Variants in VPS13A observed in about 807,000 individuals in gnomAD.
The protein encoded by VPS13A is vacuolar protein sorting 13 homolog A.
Under a neutral mutation model 390.9 loss-of-function variants are expected in VPS13A, and 264 were observed. The ratio of observed to expected loss-of-function variants is 0.68; its 90% CI spans 0.61 to 0.75. The LOEUF (loss-of-function observed/expected upper bound fraction) is 0.75. Ranked by LOEUF, VPS13A falls within the 30% of genes least tolerant of loss-of-function variation. VPS13A has a pLI of 0.00. For synonymous variants in VPS13A, 1,231 were observed against 1,227.1 expected (o/e 1.00, Z -0.07); for missense variants, 3,409 against 3,733.9 (o/e 0.91, Z 2.27).
chr9:77,203,106 C>A (rs1825426062), intron 3 of VPS13A, among the ~76,000 whole-genome samples: 1 of 152,074 alleles, frequency 6.6e-6, no homozygotes. Context: ...ATTGATCTTT[C>A]AAAATTTCCC....
chr9:77,218,409 A>C (rs1457788590), intron 10 of VPS13A, among the ~76,000 whole-genome samples: 5 of 151,410 alleles, frequency 3.3e-5, no homozygotes, highest in African/African-American at 1.2e-4. Context: ...CACTGCACCC[A>C]GCCCTTTGCC....
chr9:77,370,154 T>C, intron 63 of VPS13A, 103 bp from the exon 64 acceptor site: 1 of 1,243,974 alleles, frequency 8.0e-7, no homozygotes, highest in Non-Finnish European at 1.2e-6. Context: ...GGGACAACAT[T>C]ATCCATTTTT....
chr9:77,362,943 AT>A (rs929960124), intron 59 of VPS13A, among the ~76,000 whole-genome samples: 1 of 151,848 alleles, frequency 6.6e-6, no homozygotes, highest in African/African-American at 2.4e-5. Context: ...AATGCAGTTG[AT>A]TTTTTTATAC....
intron 59 of VPS13A, among the ~76,000 whole-genome samples, chr9:77,362,172 A>G (rs961307246): frequency 6.6e-6 from 1 of 152,124 alleles, no homozygotes; most frequent in African/African-American, 2.4e-5. Context: ...AATGAAGTTC[A>G]AATTATTTTT....
intron 19 of VPS13A, among the ~76,000 whole-genome samples, chr9:77,244,947 A>G (rs1231853347): frequency 6.6e-6 from 1 of 152,208 alleles, no homozygotes; most frequent in African/African-American, 2.4e-5. Context: ...GTGATGGTCC[A>G]CTGTGAAGAG....
Position 77,420,312 on chromosome 9 carries a change from GA to G in VPS13A, c.*4307del, listed in dbSNP as rs1395570732. The stretch of plus-strand genomic sequence containing the variant: ...ATCCAAAAAGCAAGGCCAGCACATT[GA>G]GAAGATGCAGAATCCTACTCTATTA... On this transcript the variant is annotated 3_prime_UTR_variant, in exon 72 of 72. Coordinates refer to ENST00000360280, the MANE Select transcript of VPS13A (RefSeq NM_033305.3). 6.6e-6 allele frequency: 1 copy of G among 152,140 alleles called. No homozygotes were observed. The highest frequency in any genetic ancestry group is 1.5e-5 in the Non-Finnish European group (1 of 68,024). The allele number at this position is 152,140 out of a possible 1,614,324, so 9.4% of individuals were successfully genotyped here.
intron 68 of VPS13A, among the ~76,000 whole-genome samples, chr9:77,389,253 C>T (rs1026132940): frequency 5.3e-5 from 8 of 151,272 alleles, no homozygotes; most frequent in African/African-American, 1.5e-4. Flanking sequence ...CAGAAATATC[C>T]GTAATTGGGA....
chr9:77,262,459 G>C (rs1262576179), intron 23 of VPS13A, among the ~76,000 whole-genome samples: 1 of 151,924 alleles, frequency 6.6e-6, no homozygotes, highest in Non-Finnish European at 1.5e-5. Context: ...TATATTTTAA[G>C]TTCTGGGATA....
chr9:77,195,780 A>G lies in VPS13A; in HGVS notation c.101-4165A>G, dbSNP rs570772284. The stretch of plus-strand genomic sequence containing the variant: ...AAACGAATGCTTTATTTTTATTTTT[A>G]TTTTTTTTCCATTCTCTTTCACTTA... On this transcript the variant is annotated intron_variant, in intron 1 of 71. Transcript: ENST00000360280. Among the ~76,000 whole-genome samples the G allele has an allele frequency of 5.3e-5, 8 of 151,772 alleles. No individual in the cohort carries two copies. In the East Asian group the frequency reaches 9.7e-4, roughly 18 times the overall value.
At chr9:77,390,773 G>C (rs549644381) in intron 68 of VPS13A, among the ~76,000 whole-genome samples, 1 of 151,326 alleles carries the variant, frequency 6.6e-6, no homozygotes, top group Non-Finnish European at 1.5e-5. Context: ...TGAACTCCTA[G>C]GCTCAAGTGA....
At chr9:77,334,909 C>G (rs1830463419) in intron 46 of VPS13A, among the ~76,000 whole-genome samples, 1 of 152,104 alleles carries the variant, frequency 6.6e-6, no homozygotes, top group African/African-American at 2.4e-5. Context: ...AGAAGGAAGT[C>G]TAATTGTTTC....
intron 1 of VPS13A, among the ~76,000 whole-genome samples, chr9:77,179,896 C>T (rs957977301): frequency 6.6e-6 from 1 of 152,074 alleles, no homozygotes; most frequent in East Asian, 1.9e-4. Flanking sequence ...CCTCTGGCAA[C>T]CACTAATCTT....
intron 1 of VPS13A, among the ~76,000 whole-genome samples, chr9:77,196,149 T>C (rs79523855): frequency 0.012 from 1,883 of 152,298 alleles, 37 homozygotes; most frequent in African/African-American, 0.043. Context: ...TTATTGTTAC[T>C]AGAAAAGATA....
intron 1 of VPS13A, among the ~76,000 whole-genome samples, chr9:77,188,878 G>GT (rs796982265): frequency 2.9e-4 from 44 of 149,304 alleles, no homozygotes; most frequent in African/African-American, 4.7e-4. Context: ...GTGATGTTGA[G>GT]TTTTTTTTTT....
intron 15 of VPS13A, 36 bp downstream of exon 15, chr9:77,226,634 TG>T: frequency 1.3e-6 from 2 of 1,596,380 alleles, no homozygotes; most frequent in Non-Finnish European, 1.7e-6. Context: ...AGTTAATCAC[TG>T]GGTGTCAAAA....
intron 17 of VPS13A, among the ~76,000 whole-genome samples, chr9:77,230,093 G>T (rs1174867437): frequency 1.3e-5 from 2 of 151,814 alleles, no homozygotes; most frequent in African/African-American, 4.8e-5. Flanking sequence ...ATGTCTATTA[G>T]ATTTTTTTTC....
intron 54 of VPS13A, among the ~76,000 whole-genome samples, chr9:77,355,868 A>G (rs1370288408): frequency 6.6e-6 from 1 of 152,148 alleles, no homozygotes; most frequent in Non-Finnish European, 1.5e-5. Context: ...TAATAGCCTC[A>G]TCAGGGCCAT....
At chr9:77,308,985 T>C (rs896566451) in intron 35 of VPS13A, among the ~76,000 whole-genome samples, 1 of 152,110 alleles carries the variant, frequency 6.6e-6, no homozygotes, top group Admixed American at 6.5e-5. Context: ...TGAAGAAAAT[T>C]GTAAAAACCC....
chr9:77,328,771 A>G (rs909826789), intron 45 of VPS13A, among the ~76,000 whole-genome samples: 4 of 152,186 alleles, frequency 2.6e-5, no homozygotes, highest in African/African-American at 9.7e-5. Context: ...GTTAGGGCCT[A>G]TCTTAGGAGA....
Sources: allele counts gnomAD v4.1 joint callset (sites outside exome capture counted in the v4.1 genomes callset), GRCh38; gene constraint gnomAD v4.1.1; transcripts MANE v1.5; gene names NCBI Gene and HGNC (gene_info 2026-07-23, HGNC 2026-07-21).